ZNF283: variants seen among roughly 807,000 people sequenced by gnomAD.
ZNF283 encodes the protein zinc finger protein 283.
ZNF283 carries 10 observed loss-of-function variants against 9.2 expected under a neutral mutation model. The observed-to-expected ratio is 1.09, with a 90% CI of 0.67 to 1.85. ZNF283 has a LOEUF of 1.85. Among genes scored for constraint, ZNF283 ranks in the 40% most tolerant of loss-of-function variants. The pLI, the probability that ZNF283 is intolerant of heterozygous loss-of-function variation, is 0.00. For synonymous variants in ZNF283, 234 were observed against 244.1 expected, an observed-to-expected ratio of 0.96 and a Z score of 0.38; for missense variants, 631 against 760.1, an observed-to-expected ratio of 0.83 and a Z score of 2.00.
Position 43,831,340 on chromosome 19 carries a change from T to G in ZNF283, c.-42T>G. 6.3e-7 allele frequency: 1 copy of G among 1,595,774 alleles called. No individual in the cohort carries two copies. Among genetic ancestry groups the G allele is most frequent in the Non-Finnish European group, 8.5e-7 (1 of 1,178,574 alleles). On this transcript the variant is annotated 5_prime_UTR_variant, in exon 3 of 7. Transcript: ENST00000618787. Reference sequence around the variant, plus strand: ...CAGGAGAATCTTGACAGTGAATGTGTCTCATTACATTGAATAACAGCTACA... The same window carrying G: ...CAGGAGAATCTTGACAGTGAATGTGGCTCATTACATTGAATAACAGCTACA...
In ZNF283 at chr19:43,847,490, G is replaced by A. The variant is rs1458936365; in HGVS notation, c.889G>A (p.Gly297Arg). The change falls in exon 7 of 7, where the codon GGG becomes AGG. Residue 297 changes from glycine (G) to arginine (R), a missense_variant. Physicochemically the swap from Gly to Arg is moderately radical, Grantham distance 125 (BLOSUM62 -2). Transcript: ENST00000618787. ...GAAACCCTATGAATGTAAAGAATGT[G>A]GGAAGGCCTTTAGTCGTGGCTATCA... ...GEKPYECKECGKAFSRGYHLT... is the reference protein window; with the variant it reads ...GEKPYECKECRKAFSRGYHLT... 7 of 1,613,124 alleles carry A rather than the reference G, an allele frequency of 4.3e-6. No homozygotes were observed. Among genetic ancestry groups the A allele is most frequent in the Non-Finnish European group, 5.9e-6 (7 of 1,179,642 alleles).
In ZNF283 at chr19:43,837,101, T is replaced by A; in HGVS notation, c.259T>A (p.Trp87Arg). The change falls in exon 6 of 7, where the codon TGG becomes AGG. Residue 87 changes from tryptophan (W) to arginine (R), a missense_variant. Physicochemically the swap from Trp to Arg is moderately radical, Grantham distance 101. This residue lies in a region of ZNF283 where 184 missense variants were observed against 220.0 expected (regional missense o/e 0.84). Transcript: ENST00000618787. ...GGCCATCGACTTCTCTCAGGAGGAGTGGGAATGCCTGGACCCTGCTCAGAG... is the reference window on the plus strand; with the variant it reads ...GGCCATCGACTTCTCTCAGGAGGAGAGGGAATGCCTGGACCCTGCTCAGAG... Reference protein sequence around the residue: ...DVAIDFSQEEWECLDPAQRDL... With the variant: ...DVAIDFSQEERECLDPAQRDL... 1 of 1,613,928 alleles carries A rather than the reference T, an allele frequency of 6.2e-7. No homozygotes were observed. Among genetic ancestry groups the A allele is most frequent in the Non-Finnish European group, 8.5e-7 (1 of 1,179,938 alleles).
Position 43,849,672 on chromosome 19 carries a change from A to G in ZNF283, c.*1031A>G, listed in dbSNP as rs890048341. ...AAAACCCTTATCCATGGCAAATACC[A>G]TACTGTCATCACCATTTCACCTCCA... On this transcript the variant is annotated 3_prime_UTR_variant, in exon 7 of 7. Transcript: ENST00000618787. 6.6e-6 allele frequency: 1 copy of G among 152,216 alleles called. No homozygotes were observed. Among genetic ancestry groups the G allele is most frequent in the Non-Finnish European group, 1.5e-5 (1 of 68,030 alleles). 9.4% of individuals were successfully genotyped at this position (152,216 alleles called of 1,614,324 possible). A position where few individuals can be genotyped will look rare whatever the true frequency, so the allele number is the denominator to read the frequency against.
intron 6 of ZNF283, chr19:43,840,923 C>G (rs1338123250): frequency 6.6e-6 from 1 of 151,694 alleles, no homozygotes; most frequent in Non-Finnish European, 1.5e-5. Flanking sequence ...AGGATGGTCT[C>G]AATCTCCTGA....
Position 43,847,300 on chromosome 19 carries a change from A to C in ZNF283, c.699A>C (p.Lys233Asn). 1.2e-6 allele frequency: 2 copies of C among 1,613,904 alleles called. No individual in the cohort carries two copies. Among genetic ancestry groups the C allele is most frequent in the Non-Finnish European group, 8.5e-7 (1 of 1,179,886 alleles). Reference sequence around the variant, plus strand: ...ATGAGAGAACTCATACAGCTGAAAAACACTTTGAATGTAAAGAATGTGGGA... The same window carrying C: ...ATGAGAGAACTCATACAGCTGAAAACCACTTTGAATGTAAAGAATGTGGGA... ...VQHERTHTAE[K>N]HFECKECGKN... is the part of the protein sequence containing the mutation. Residue 233 changes from lysine to asparagine, a missense_variant, in exon 7 of 7, where the codon AAA becomes AAC. Lys to Asn is a moderately conservative substitution (Grantham distance 94). Coordinates refer to ENST00000618787, the MANE Select transcript of ZNF283 (RefSeq NM_181845.2).
At chr19:43,841,789 A>G (rs965795059) in intron 6 of ZNF283, among the ~76,000 whole-genome samples, 1 of 152,228 alleles carries the variant, frequency 6.6e-6, no homozygotes, top group African/African-American at 2.4e-5. Context: ...CCCAACTGAT[A>G]TATTTTTTCT....
At position 43,847,817 on chromosome 19, in the gene ZNF283, A is replaced by G. The variant is rs1169169780; in HGVS notation, c.1216A>G (p.Lys406Glu). Residue 406 changes from lysine to glutamate, a missense_variant, in exon 7 of 7, where the codon AAG becomes GAG. This residue lies in a region of ZNF283 where 444 missense variants were observed against 522.5 expected (regional missense o/e 0.85). Transcript: ENST00000618787. ...TACTGGTGAGAAACCCTATGAATGC[A>G]AGGAATGTGGGAAGGCTTTTAATTG... ...FHTGEKPYEC[K>E]ECGKAFNCGS... 1.2e-6 allele frequency: 2 copies of G among 1,614,022 alleles called. No individual in the cohort carries two copies. Among genetic ancestry groups the G allele is most frequent in the Non-Finnish European group, 1.7e-6 (2 of 1,179,948 alleles).
At chr19:43,844,586 A>T (rs1971334914) in intron 6 of ZNF283, among the ~76,000 whole-genome samples, 1 of 152,196 alleles carries the variant, frequency 6.6e-6, no homozygotes, top group African/African-American at 2.4e-5. Context: ...GCAGCAAGAC[A>T]TTGTTAAATG....
chr19:43,847,175 A>G lies in ZNF283; in HGVS notation c.574A>G (p.Lys192Glu), dbSNP rs200019457. The change falls in exon 7 of 7, where the codon AAA becomes GAA. Residue 192 changes from lysine to glutamate, a missense_variant. By Grantham distance (56) the Lys-to-Glu change is moderately conservative. Transcript: ENST00000618787. ...YEKIPSYRKSKSLTPHQRIHN... is the reference protein window; with the variant it reads ...YEKIPSYRKSESLTPHQRIHN... ...AAAAATACCTTCTTACAGAAAAAGTAAATCTCTTACTCCACATCAAAGAAT... is the reference window on the plus strand; with the variant it reads ...AAAAATACCTTCTTACAGAAAAAGTGAATCTCTTACTCCACATCAAAGAAT... 9.3e-6 allele frequency: 15 copies of G among 1,613,700 alleles called. No individual in the cohort carries two copies. The highest frequency in any genetic ancestry group is 3.3e-5 in the Admixed American group (2 of 59,972).
In ZNF283 at chr19:43,848,634, C is replaced by G. The variant is rs750923159; in HGVS notation, c.2033C>G (p.Thr678Ser). ...YSNEKIDTDE[T>S]L ...AATGAGAAAATTGATACTGATGAAA[C>G]CTTATGATTGAAAGTTGTAAAAGAA... The change falls in exon 7 of 7, where the codon ACC (threonine) becomes AGC (serine). Residue 678 changes from threonine to serine, a missense_variant. This residue lies in a region of ZNF283 where 444 missense variants were observed against 522.5 expected (regional missense o/e 0.85). Transcript: ENST00000618787. 16 of 1,544,892 alleles carry G rather than the reference C, an allele frequency of 1.0e-5. No individual in the cohort carries two copies. The South Asian group carries it at 2.0e-4, about 20-fold the overall frequency.
intron 6 of ZNF283, among the ~76,000 whole-genome samples, chr19:43,841,227 A>G (rs1971198177): frequency 6.6e-6 from 1 of 151,768 alleles, no homozygotes; most frequent in Non-Finnish European, 1.5e-5. Context: ...ATTCCATTTT[A>G]TCTCATCTGT....
intron 2 of ZNF283, among the ~76,000 whole-genome samples, chr19:43,829,316 T>C (rs1287904094): frequency 1.3e-5 from 2 of 151,970 alleles, no homozygotes; most frequent in African/African-American, 2.4e-5. Context: ...ACCCGGGCGG[T>C]GGAGGTTGCA....
chr19:43,843,956 T>C (rs925446439), intron 6 of ZNF283, among the ~76,000 whole-genome samples: 3 of 152,208 alleles, frequency 2.0e-5, no homozygotes, highest in Admixed American at 2.0e-4. Flanking sequence ...ATACTTCATA[T>C]ATATGATTTT....
At position 43,829,254 on chromosome 19, in the gene ZNF283, A is replaced by G. The variant is rs1031593599; in HGVS notation, c.-65+973A>G. On this transcript the variant is annotated intron_variant, in intron 2 of 6. Coordinates refer to ENST00000618787, the MANE Select transcript of ZNF283 (RefSeq NM_181845.2). ...CAAAAAATTAGCTGGGCGTAGTGGTAGGCGCCTGTAGTCCCAGCTACTCGG... is the reference window on the plus strand; with the variant it reads ...CAAAAAATTAGCTGGGCGTAGTGGTGGGCGCCTGTAGTCCCAGCTACTCGG... Among the ~76,000 whole-genome samples the G allele has an allele frequency of 9.2e-5, 14 of 152,208 alleles. No homozygotes were observed. The South Asian group carries it at 2.1e-3, about 23-fold the overall frequency.
At chr19:43,841,416 A>C (rs1158519076) in intron 6 of ZNF283, 2 of 151,238 alleles carry the variant, frequency 1.3e-5, no homozygotes, top group Non-Finnish European at 2.9e-5. Context: ...TTATATGGCT[A>C]CTAGCAGCTA....
intron 4 of ZNF283, 47 bp downstream of exon 4, chr19:43,833,673 G>A (rs1970826967): frequency 6.5e-6 from 1 of 154,978 alleles, no homozygotes; most frequent in Admixed American, 6.5e-5. Flanking sequence ...TTTTAGTAGA[G>A]ACGGGGTTTC....
Position 43,847,130 on chromosome 19 carries a change from C to T in ZNF283, c.529C>T (p.Gln177Ter). Residue 177 changes from glutamine to a stop codon, truncating the protein, a stop_gained, in exon 7 of 7, where the codon CAA (glutamine) becomes TAA (stop). Transcript: ENST00000618787. LOFTEE classifies it low-confidence loss of function (END_TRUNC). ...LKGHQEGYFS[Q>*]MIISYEKIPS... ...AGGACATCAAGAGGGATACTTCAGT[C>T]AAATGATAATCAGCTATGAAAAAAT... 1 of 1,613,212 alleles carries T rather than the reference C, an allele frequency of 6.2e-7. No individual in the cohort carries two copies. Among genetic ancestry groups the T allele is most frequent in the Non-Finnish European group, 8.5e-7 (1 of 1,179,510 alleles).
intron 6 of ZNF283, among the ~76,000 whole-genome samples, chr19:43,842,859 G>A (rs1183307970): frequency 6.6e-6 from 1 of 152,056 alleles, no homozygotes; most frequent in Non-Finnish European, 1.5e-5. Context: ...AATGTGTTAA[G>A]AAAAAACCCA....
chr19:43,842,585 T>C (rs1172986424), intron 6 of ZNF283, among the ~76,000 whole-genome samples: 1 of 152,248 alleles, frequency 6.6e-6, no homozygotes, highest in Non-Finnish European at 1.5e-5. Context: ...TGGACATAAT[T>C]CTTACTCTAG....
Sources: gnomAD v4.1 joint callset for allele counts (sites outside exome capture counted in the v4.1 genomes callset) on GRCh38, gnomAD v4.1.1 for gene constraint, gnomAD v4.1.1 regional missense constraint, MANE v1.5 for transcripts, NCBI Gene and HGNC (gene_info 2026-07-23, HGNC 2026-07-21) for gene names.